Variants in STC1 observed in about 807,000 individuals in gnomAD.
STC1 encodes stanniocalcin-1.
STC1 carries 7 observed loss-of-function variants against 22.6 expected under a neutral mutation model. The ratio of observed to expected loss-of-function variants is 0.31; its 90% CI spans 0.18 to 0.58. STC1 has a LOEUF of 0.58. Among genes scored for constraint, STC1 ranks in the 20% least tolerant of loss-of-function variants. The pLI is 0.89. For synonymous variants in STC1, 113 were observed against 120.7 expected (o/e 0.94, Z 0.42); for missense variants, 224 against 311.0 (o/e 0.72, Z 2.10).
rs1802548423 is a variant in STC1, at chr8:23,844,542, T to C, written c.*228A>G. The C allele has an allele frequency of 1.9e-5, 11 of 580,356 alleles. No individual in the cohort carries two copies. The highest frequency in any genetic ancestry group is 4.7e-4 in the Middle Eastern group (1 of 2,150). The allele number at this position is 580,356 out of a possible 1,614,324, so 36.0% of individuals were successfully genotyped here. Reference sequence around the variant, plus strand: ...GTTGGTAAAAGAGGGTACTTTCTCCTGAGGAGAGGCAGAATGGTCACATGG... The same window carrying C: ...GTTGGTAAAAGAGGGTACTTTCTCCCGAGGAGAGGCAGAATGGTCACATGG... On this transcript the variant is annotated 3_prime_UTR_variant, in exon 4 of 4. Coordinates refer to ENST00000290271, the MANE Select transcript of STC1 (RefSeq NM_003155.3).
chr8:23,854,454 T>A lies in STC1; in HGVS notation c.70A>T (p.Asn24Tyr). 6.2e-7 allele frequency: 1 copy of A among 1,614,186 alleles called. No individual in the cohort carries two copies. The highest frequency in any genetic ancestry group is 8.5e-7 in the Non-Finnish European group (1 of 1,180,042). ...GATTTCCTGGGGCTCACAGAGTCAT[T>A]CTGCTCCGCCTCATGGGTTGCAGAA... ...SASATHEAEQ[N>Y]DSVSPRKSRV... Residue 24 changes from asparagine (N) to tyrosine (Y), a missense_variant, in exon 1 of 4, where the codon AAT becomes TAT. By Grantham distance (143) the Asn-to-Tyr change is moderately radical. Coordinates refer to ENST00000290271, the MANE Select transcript of STC1 (RefSeq NM_003155.3).
At chr8:23,848,740 C>T (rs1339088944) in intron 3 of STC1, among the ~76,000 whole-genome samples, 3 of 151,506 alleles carry the variant, frequency 2.0e-5, no homozygotes, top group African/African-American at 4.9e-5. Flanking sequence ...ATCAGATATT[C>T]TCCATAGCTA....
intron 3 of STC1, among the ~76,000 whole-genome samples, chr8:23,846,161 G>A (rs1446704564): frequency 6.6e-6 from 1 of 152,158 alleles, no homozygotes; most frequent in Non-Finnish European, 1.5e-5. Context: ...AACCCCTTGT[G>A]TTTGGTATCA....
rs1330146522 is a variant in STC1 at position 23,854,741 on chromosome 8, T to C, written c.-218A>G. ...CTGCTGCCGCCGCTGCTGCTGCTGCTGCCACCGCCGCTGCTGCTGCTGCTG... is the reference window on the plus strand; with the variant it reads ...CTGCTGCCGCCGCTGCTGCTGCTGCCGCCACCGCCGCTGCTGCTGCTGCTG... On this transcript the variant is annotated 5_prime_UTR_variant, in exon 1 of 4. Transcript: ENST00000290271. The C allele has an allele frequency of 2.0e-5, 13 of 649,322 alleles. No homozygotes were observed. The highest frequency in any genetic ancestry group is 1.5e-4 in the East Asian group (5 of 33,540). The allele number at this position is 649,322 out of a possible 1,614,324, so 40.2% of individuals were successfully genotyped here. A position where few individuals can be genotyped will look rare whatever the true frequency, so the allele number is the denominator to read the frequency against.
chr8:23,847,812 G>A (rs1802590585), intron 3 of STC1, among the ~76,000 whole-genome samples: 1 of 152,230 alleles, frequency 6.6e-6, no homozygotes, highest in Non-Finnish European at 1.5e-5. Flanking sequence ...TATAGCTATT[G>A]GTAGGATGTG....
At position 23,844,586 on chromosome 8, in the gene STC1, C is replaced by T. The variant is rs1315392999; in HGVS notation, c.*184G>A. 1.5e-5 allele frequency: 10 copies of T among 682,638 alleles called. No individual in the cohort carries two copies. Among genetic ancestry groups the T allele is most frequent in the Non-Finnish European group, 2.4e-6 (1 of 417,368 alleles). 42.3% of individuals were successfully genotyped at this position (682,638 alleles called of 1,614,324 possible). On this transcript the variant is annotated 3_prime_UTR_variant, in exon 4 of 4. Coordinates refer to ENST00000290271, the MANE Select transcript of STC1 (RefSeq NM_003155.3). ...CACATGGATTTTGTTGGTGGGAATG[C>T]TGCCATTGCAGAATGTTGGGATATT...
intron 3 of STC1, among the ~76,000 whole-genome samples, chr8:23,845,518 T>A (rs1802561880): frequency 6.6e-6 from 1 of 152,072 alleles, no homozygotes. Flanking sequence ...GATGCTTTTT[T>A]GTAATTTTCC....
chr8:23,854,618 G>A lies in STC1; in HGVS notation c.-95C>T, dbSNP rs1382881191. 4 of 1,047,484 alleles carry A rather than the reference G, an allele frequency of 3.8e-6. No homozygotes were observed. The highest frequency in any genetic ancestry group is 6.0e-6 in the Non-Finnish European group (4 of 667,784). The allele number at this position is 1,047,484 out of a possible 1,614,324, so 64.9% of individuals were successfully genotyped here. On this transcript the variant is annotated 5_prime_UTR_variant, in exon 1 of 4. Coordinates refer to ENST00000290271, the MANE Select transcript of STC1 (RefSeq NM_003155.3). Reference sequence around the variant, plus strand: ...CTGGCTTGAGTGAAGATGTGGATCTGGATACACTGAAAGCTTAGGTGAGGA... The same window carrying A: ...CTGGCTTGAGTGAAGATGTGGATCTAGATACACTGAAAGCTTAGGTGAGGA...
Position 23,843,783 on chromosome 8 carries a change from C to T in STC1, c.*987G>A, listed in dbSNP as rs1355645720. ...CCTTCAGATAAACCTGTTGGTTTTT[C>T]CTGTCTCATACAGGCCCATCTTAAG... On this transcript the variant is annotated 3_prime_UTR_variant, in exon 4 of 4. Coordinates refer to ENST00000290271, the MANE Select transcript of STC1 (RefSeq NM_003155.3). 5 of 152,534 alleles carry T rather than the reference C, an allele frequency of 3.3e-5. No individual in the cohort carries two copies. The highest frequency in any genetic ancestry group is 7.3e-5 in the Non-Finnish European group (5 of 68,034). 9.4% of individuals were successfully genotyped at this position (152,534 alleles called of 1,614,324 possible).
chr8:23,854,600 G>T lies in STC1; in HGVS notation c.-77C>A. On this transcript the variant is annotated 5_prime_UTR_variant, in exon 1 of 4. Transcript: ENST00000290271. ...CTTTCCTCTTTCCCTCTCCTGGCTT[G>T]AGTGAAGATGTGGATCTGGATACAC... The T allele has an allele frequency of 8.3e-7, 1 of 1,199,244 alleles. No homozygotes were observed. Among genetic ancestry groups the T allele is most frequent in the Non-Finnish European group, 1.2e-6 (1 of 804,734 alleles). The allele number at this position is 1,199,244 out of a possible 1,614,324, so 74.3% of individuals were successfully genotyped here. A position where few individuals can be genotyped will look rare whatever the true frequency, so the allele number is the denominator to read the frequency against.
chr8:23,849,201 A>G (rs981695191), intron 3 of STC1, among the ~76,000 whole-genome samples: 1 of 152,158 alleles, frequency 6.6e-6, no homozygotes, highest in Non-Finnish European at 1.5e-5. Flanking sequence ...TTCTGTGCCA[A>G]TTGGCACTGA....
At chr8:23,850,468 C>T (rs1054776380) in intron 3 of STC1, among the ~76,000 whole-genome samples, 2 of 152,158 alleles carry the variant, frequency 1.3e-5, no homozygotes, top group African/African-American at 4.8e-5. Context: ...GCCAGACCTC[C>T]ACGCCAACCC....
chr8:23,844,606 G>A lies in STC1; in HGVS notation c.*164C>T. On this transcript the variant is annotated 3_prime_UTR_variant, in exon 4 of 4. Transcript: ENST00000290271. ...GAATGCTGCCATTGCAGAATGTTGG[G>A]ATATTGATTACAGAAGCCTAGTTTC... 3 of 756,352 alleles carry A rather than the reference G, an allele frequency of 4.0e-6. No individual in the cohort carries two copies. Among genetic ancestry groups the A allele is most frequent in the Non-Finnish European group, 6.2e-6 (3 of 480,968 alleles). 46.9% of individuals were successfully genotyped at this position (756,352 alleles called of 1,614,324 possible).
At chr8:23,845,603 T>G (rs772857446) in intron 3 of STC1, among the ~76,000 whole-genome samples, 1 of 152,032 alleles carries the variant, frequency 6.6e-6, no homozygotes, top group Non-Finnish European at 1.5e-5. Flanking sequence ...CTGATGAAAC[T>G]TCTGTCTAAG....
chr8:23,853,433 C>T (rs75213784), intron 1 of STC1, among the ~76,000 whole-genome samples: 3,048 of 152,192 alleles, frequency 0.02, 108 homozygotes, highest in African/African-American at 0.07. Context: ...TAGGCAAGCT[C>T]GAATTGTGAA....
chr8:23,850,799 A>G (rs1047490395), intron 3 of STC1, among the ~76,000 whole-genome samples: 1 of 152,006 alleles, frequency 6.6e-6, no homozygotes, highest in South Asian at 2.1e-4. Context: ...TCTGAGCCCC[A>G]GGGAAGTGAG....
chr8:23,847,033 C>G (rs1166096648), intron 3 of STC1, among the ~76,000 whole-genome samples: 1 of 152,160 alleles, frequency 6.6e-6, no homozygotes, highest in Non-Finnish European at 1.5e-5. Context: ...GATCTCCCAT[C>G]CCTCCAATAA....
chr8:23,853,352 T>C (rs774261864), intron 1 of STC1, among the ~76,000 whole-genome samples: 2 of 152,176 alleles, frequency 1.3e-5, no homozygotes, highest in African/African-American at 2.4e-5. Flanking sequence ...TCCCTAATTA[T>C]ATATTTCCAC....
At chr8:23,845,179 G>T in intron 3 of STC1, 139 bp from the exon 4 acceptor site, 1 of 891,456 alleles carries the variant, frequency 1.1e-6, no homozygotes. Flanking sequence ...GCTGAAGGTG[G>T]CTTTTGCTCT....
Sources: allele counts gnomAD v4.1 joint callset (sites outside exome capture counted in the v4.1 genomes callset), GRCh38; gene constraint gnomAD v4.1.1; transcripts MANE v1.5; gene names NCBI Gene and HGNC (gene_info 2026-07-23, HGNC 2026-07-21).